KANK1: variants seen among roughly 807,000 people sequenced by gnomAD.
KANK1 encodes KN motif and ankyrin repeat domain-containing protein 1.
In KANK1, 109 loss-of-function variants were observed where a neutral mutation model predicts 106.2. The ratio of observed to expected loss-of-function variants is 1.03; its 90% confidence interval spans 0.88 to 1.20. The LOEUF (loss-of-function observed/expected upper bound fraction) is 1.20, where lower values mean the gene tolerates loss of function less well. KANK1 is among the 50% of genes most tolerant of loss of function. The pLI is 0.00. For missense variants in KANK1, 2,399 were observed against 1,710.7 expected, an observed-to-expected ratio of 1.40 and a Z score of -7.10; for synonymous variants, 873 against 652.2, an observed-to-expected ratio of 1.34 and a Z score of -5.16.
At chr9:680,492 G>T (rs1431993158) in intron 2 of KANK1, among the ~76,000 whole-genome samples, 3 of 152,174 alleles carry the variant, frequency 2.0e-5, no homozygotes, top group Non-Finnish European at 2.9e-5. Flanking sequence ...TACAAAATGT[G>T]TGAAAGTTAT....
At chr9:739,892 C>G (rs16923238) in intron 8 of KANK1, among the ~76,000 whole-genome samples, 11,641 of 151,956 alleles carry the variant, frequency 0.077, 671 homozygotes, top group African/African-American at 0.16. Flanking sequence ...CCGAAGCGCA[C>G]ACGAATTCAC....
At chr9:522,758 C>T (rs1160344844) in intron 1 of KANK1, among the ~76,000 whole-genome samples, 2 of 151,706 alleles carry the variant, frequency 1.3e-5, no homozygotes. Flanking sequence ...CTAATGCACT[C>T]CTTAAGCTTA....
At chr9:700,217 A>G (rs907096128) in intron 2 of KANK1, among the ~76,000 whole-genome samples, 2 of 152,188 alleles carry the variant, frequency 1.3e-5, no homozygotes, top group African/African-American at 4.8e-5. Context: ...GCAAAAGAAA[A>G]TCTCATCTGT....
intron 1 of KANK1, among the ~76,000 whole-genome samples, chr9:529,178 T>C (rs2059940656): frequency 6.6e-6 from 1 of 151,712 alleles, no homozygotes; most frequent in African/African-American, 2.4e-5. Context: ...TATTCTCTCT[T>C]TACAGGCAAC....
chr9:574,532 GA>G (rs1326198684), intron 1 of KANK1, among the ~76,000 whole-genome samples: 2 of 152,118 alleles, frequency 1.3e-5, no homozygotes, highest in Admixed American at 6.6e-5. Flanking sequence ...TCTCAACAGG[GA>G]GGAAGCCTTT....
chr9:562,048 T>TTC (rs1816608162), intron 1 of KANK1, among the ~76,000 whole-genome samples: 1 of 139,552 alleles, frequency 7.2e-6, no homozygotes, highest in Non-Finnish European at 1.6e-5. Context: ...TTTTCTTTTT[T>TTC]TTTTTTTTTT....
intron 1 of KANK1, among the ~76,000 whole-genome samples, chr9:636,653 G>A (rs1180602463): frequency 6.6e-6 from 1 of 152,188 alleles, no homozygotes; most frequent in Non-Finnish European, 1.5e-5. Flanking sequence ...GGATCACGAG[G>A]TCAGGAGTTC....
chr9:740,053 A>G (rs1444576099), intron 8 of KANK1, among the ~76,000 whole-genome samples: 2 of 152,180 alleles, frequency 1.3e-5, no homozygotes, highest in African/African-American at 4.8e-5. Context: ...TGAACATTTT[A>G]ACTTCATATT....
intron 1 of KANK1, among the ~76,000 whole-genome samples, chr9:617,090 T>C (rs1414563643): frequency 1.3e-5 from 2 of 152,178 alleles, no homozygotes; most frequent in African/African-American, 4.8e-5. Flanking sequence ...CTACCGTAAG[T>C]GAATGTTAGG....
intron 1 of KANK1, among the ~76,000 whole-genome samples, chr9:646,697 T>G (rs905508236): frequency 1.3e-5 from 2 of 150,094 alleles, no homozygotes; most frequent in African/African-American, 2.5e-5. Context: ...AAGTATCTTT[T>G]TTTTTTTTTT....
intron 1 of KANK1, among the ~76,000 whole-genome samples, chr9:658,542 A>G (rs1842636464): frequency 1.3e-5 from 2 of 152,030 alleles, no homozygotes; most frequent in East Asian, 1.9e-4. Flanking sequence ...TACTTTTGGT[A>G]TTATGTCTAG....
chr9:696,283 CAAA>C (rs752946063), intron 2 of KANK1, among the ~76,000 whole-genome samples: 2 of 86,152 alleles, frequency 2.3e-5, no homozygotes, highest in Admixed American at 2.6e-4. Context: ...GACTCCGTCT[CAAA>C]AAAAAAAAAA....
rs146010543 is a variant in KANK1, at chr9:716,771, A to G, written c.2698+3307A>G. Among the ~76,000 whole-genome samples, 654 of 152,332 alleles carry G rather than the reference A, an allele frequency of 4.3e-3. 11 individuals are homozygous for G. Among genetic ancestry groups the G allele is most frequent in the African/African-American group, 0.015 (635 of 41,588 alleles). ...CTAGAGCATGCATCATAAGAAATTA[A>G]TAGTTCAAGCATAGGCAACGTAGTG... is the stretch of plus-strand genomic sequence containing the variant. On this transcript the variant is annotated intron_variant, in intron 3 of 11. Coordinates refer to ENST00000382297, the MANE Select transcript of KANK1 (RefSeq NM_015158.5).
chr9:614,615 T>C (rs1040239442), intron 1 of KANK1, among the ~76,000 whole-genome samples: 7 of 152,120 alleles, frequency 4.6e-5, no homozygotes, highest in Non-Finnish European at 1.0e-4. Flanking sequence ...TCCTGGCCCT[T>C]GCCCACTAAA....
chr9:513,664 A>C (rs2059130286), intron 1 of KANK1, among the ~76,000 whole-genome samples: 1 of 152,226 alleles, frequency 6.6e-6, no homozygotes, highest in Non-Finnish European at 1.5e-5. Flanking sequence ...ATATCTGCAT[A>C]ATATTTTTGG....
intron 1 of KANK1, among the ~76,000 whole-genome samples, chr9:610,107 A>C (rs776656824): frequency 6.6e-6 from 1 of 152,182 alleles, no homozygotes; most frequent in Admixed American, 6.5e-5. Context: ...ATTCTTTGCT[A>C]CTTTAAGTAT....
At chr9:564,022 C>T (rs1018741498) in intron 1 of KANK1, among the ~76,000 whole-genome samples, 3 of 151,458 alleles carry the variant, frequency 2.0e-5, no homozygotes, top group Non-Finnish European at 4.4e-5. Flanking sequence ...GTTAACTTCT[C>T]GCGTCTGTCT....
intron 1 of KANK1, among the ~76,000 whole-genome samples, chr9:521,496 G>A (rs2059547560): frequency 6.6e-6 from 1 of 151,056 alleles, no homozygotes; most frequent in Admixed American, 6.6e-5. Flanking sequence ...TTGGGAGATG[G>A]TGTTCATTCA....
At chr9:635,141 G>A (rs1221695463) in intron 1 of KANK1, among the ~76,000 whole-genome samples, 2 of 152,112 alleles carry the variant, frequency 1.3e-5, no homozygotes, top group African/African-American at 4.8e-5. Context: ...CAACCACCAG[G>A]ACTACAGGGC....
Sources: gnomAD v4.1 joint callset for allele counts (sites outside exome capture counted in the v4.1 genomes callset) on GRCh38, gnomAD v4.1.1 for gene constraint, MANE v1.5 for transcripts, NCBI Gene and HGNC (gene_info 2026-07-23, HGNC 2026-07-21) for gene names.